The following ATXN2 variants were observed in gnomAD, a reference collection of about 807,000 sequenced individuals.
The protein encoded by ATXN2 is ataxin 2.
A neutral mutation model predicts 138.6 loss-of-function variants in ATXN2; 37 were observed. The ratio of observed to expected loss-of-function variants is 0.27; its 90% confidence interval spans 0.21 to 0.35. The LOEUF (loss-of-function observed/expected upper bound fraction) is 0.35, where lower values mean the gene tolerates loss of function less well. ATXN2 is among the 10% of genes least tolerant of loss of function. The probability of loss-of-function intolerance (pLI) is 1.00; values close to 1 mark genes in which losing one functional copy is unlikely to be tolerated. For synonymous variants in ATXN2, 549 were observed against 543.7 expected (o/e 1.01, Z -0.13); for missense variants, 1,216 against 1,480.3 (o/e 0.82, Z 2.93).
At chr12:111,593,026 G>A (rs1363560773) in intron 1 of ATXN2, among the ~76,000 whole-genome samples, 1 of 151,944 alleles carries the variant, frequency 6.6e-6, no homozygotes, top group East Asian at 1.9e-4. Flanking sequence ...TTGCTAAGGT[G>A]ACAGTTCTAA....
intron 5 of ATXN2, among the ~76,000 whole-genome samples, chr12:111,551,887 C>CA (rs1555239905): frequency 4.8e-5 from 7 of 147,038 alleles, no homozygotes; most frequent in Non-Finnish European, 6.0e-5. Context: ...TTTTTTCTTT[C>CA]TTTTTTTTTT....
chr12:111,514,192 T>C (rs1052947513), intron 10 of ATXN2, among the ~76,000 whole-genome samples: 3 of 152,176 alleles, frequency 2.0e-5, no homozygotes, highest in Admixed American at 1.3e-4. Context: ...GAGCTGAAAA[T>C]TCTATTAAAG....
At chr12:111,512,419 T>C (rs1051829989) in intron 11 of ATXN2, 2 of 152,600 alleles carry the variant, frequency 1.3e-5, no homozygotes, top group African/African-American at 4.8e-5. Context: ...GTCAGCCTTA[T>C]TGTAAAATCA....
chr12:111,535,916 C>T (rs1467203966), intron 5 of ATXN2, among the ~76,000 whole-genome samples: 9 of 147,948 alleles, frequency 6.1e-5, no homozygotes, highest in African/African-American at 1.8e-4. Flanking sequence ...AGGAGAATGG[C>T]GTGAACCCAG....
chr12:111,551,432 A>G (rs638791), intron 5 of ATXN2, among the ~76,000 whole-genome samples: 31,317 of 152,208 alleles, frequency 0.21, 3,343 homozygotes, highest in East Asian at 0.33. Flanking sequence ...TGGACACTTA[A>G]AAAGAGACTA....
At chr12:111,471,567 A>G (rs1429812556) in intron 18 of ATXN2, 2 of 152,250 alleles carry the variant, frequency 1.3e-5, no homozygotes, top group Non-Finnish European at 2.9e-5. Flanking sequence ...GGCACAAAGA[A>G]TATAGAACTT....
chr12:111,567,284 G>A (rs748125790), intron 1 of ATXN2, among the ~76,000 whole-genome samples: 11 of 150,768 alleles, frequency 7.3e-5, no homozygotes, highest in Non-Finnish European at 1.0e-4. Context: ...GGCAGATCAC[G>A]AAGCCAGGAG....
rs373436951 is a variant in ATXN2 at position 111,576,085 on chromosome 12, A to AATAACATAACATAACATAAC, written c.252-20186_252-20167dup. Among the ~76,000 whole-genome samples the AATAACATAACATAACATAAC allele has an allele frequency of 4.3e-3, 534 of 123,450 alleles. 11 individuals carry two copies. The highest frequency in any genetic ancestry group is 0.042 in the East Asian group (170 of 4,006). 81.0% of individuals were successfully genotyped at this position (123,450 alleles called of 152,430 possible). A position where few individuals can be genotyped will look rare whatever the true frequency, so the allele number is the denominator to read the frequency against. On this transcript the variant is annotated intron_variant, in intron 1 of 24. Transcript: ENST00000673436. ...CGACAAGAGACAAACTCTGTCTTAA[A>AATAACATAACATAACATAAC]ATAACATAACATAACATAACATAAC...
At chr12:111,475,367 C>A in intron 18 of ATXN2, among the ~76,000 whole-genome samples, 2 of 142,394 alleles carry the variant, frequency 1.4e-5, no homozygotes, top group Non-Finnish European at 1.5e-5. Flanking sequence ...AAAAAGTTAC[C>A]ACAATATGAA....
intron 21 of ATXN2, among the ~76,000 whole-genome samples, chr12:111,461,748 T>A (rs765042931): frequency 2.6e-5 from 4 of 151,572 alleles, no homozygotes; most frequent in Non-Finnish European, 5.9e-5. Flanking sequence ...GGTGAAACCC[T>A]GTCTCTACTA....
rs1455292109 is a variant in ATXN2, at chr12:111,453,412, G to A, written c.3439+265C>T. 8.2e-7 allele frequency: 1 copy of A among 1,222,904 alleles called. No individual in the cohort carries two copies. The highest frequency in any genetic ancestry group is 1.6e-5 in the African/African-American group (1 of 63,834). 75.8% of individuals were successfully genotyped at this position (1,222,904 alleles called of 1,614,324 possible). A position where few individuals can be genotyped will look rare whatever the true frequency, so the allele number is the denominator to read the frequency against. ...ACAAGGAAGGCCAACTGAGTCCTAG[G>A]CATGCATCAGGCTGCTGTTGCTGCT... is the stretch of plus-strand genomic sequence containing the variant. On this transcript the variant is annotated intron_variant, in intron 24 of 24. Transcript: ENST00000673436. This position sits in a 1 kb window ranked among gnomAD's most constrained non-coding sequence, Gnocchi z 5.4.
chr12:111,493,874 CA>C lies in ATXN2; in HGVS notation c.1936-5095del, dbSNP rs1878220623. On this transcript the variant is annotated intron_variant, in intron 14 of 24. Transcript: ENST00000673436. ...GAACTCCTAACCTTGTGATTCGCCC[CA>C]CCTTTGCCTTCCAAAGTGCTGGGAT... is the stretch of plus-strand genomic sequence containing the variant. 2.0e-5 allele frequency among the ~76,000 whole-genome samples: 3 copies of C among 152,236 alleles called. No homozygotes were observed. The South Asian group carries it at 6.2e-4, about 32-fold the overall frequency.
chr12:111,579,542 G>A (rs1189537235), intron 1 of ATXN2, among the ~76,000 whole-genome samples: 2 of 152,104 alleles, frequency 1.3e-5, no homozygotes, highest in Admixed American at 6.5e-5. Context: ...GATTACAGGC[G>A]TGAGACATCG....
chr12:111,487,434 T>A (rs543667490), intron 15 of ATXN2, among the ~76,000 whole-genome samples: 1 of 151,742 alleles, frequency 6.6e-6, no homozygotes, highest in South Asian at 2.1e-4. Flanking sequence ...TAAAAGCAAT[T>A]CTTAACATAA....
chr12:111,576,185 T>C (rs1186197900), intron 1 of ATXN2, among the ~76,000 whole-genome samples: 4 of 151,840 alleles, frequency 2.6e-5, no homozygotes, highest in Non-Finnish European at 5.9e-5. Context: ...GGCTCACACC[T>C]ATAATTCCGC....
intron 18 of ATXN2, among the ~76,000 whole-genome samples, chr12:111,476,872 G>A (rs1188481764): frequency 1.3e-5 from 2 of 152,120 alleles, no homozygotes; most frequent in Non-Finnish European, 2.9e-5. Flanking sequence ...CAAATTCAAA[G>A]AACGCAGAAT....
intron 18 of ATXN2, among the ~76,000 whole-genome samples, chr12:111,473,776 A>C (rs1437528826): frequency 6.7e-6 from 1 of 149,486 alleles, no homozygotes; most frequent in African/African-American, 2.6e-5. Flanking sequence ...AAAAAAAAAA[A>C]AACCCAATCT....
At chr12:111,499,599 G>A (rs1178149761) in intron 14 of ATXN2, among the ~76,000 whole-genome samples, 12 of 152,046 alleles carry the variant, frequency 7.9e-5, no homozygotes, top group African/African-American at 2.7e-4. Context: ...GCTTGAATCC[G>A]GGAGGTGTAG....
chr12:111,475,292 T>C (rs1207562187), intron 18 of ATXN2, among the ~76,000 whole-genome samples: 1 of 139,740 alleles, frequency 7.2e-6, no homozygotes, highest in African/African-American at 2.8e-5. Flanking sequence ...TGCAGTGAGT[T>C]GAGATTGTGC....
Sources: allele counts gnomAD v4.1 joint callset (sites outside exome capture counted in the v4.1 genomes callset), GRCh38; gene constraint gnomAD v4.1.1; non-coding constraint Gnocchi (gnomAD v3.1); transcripts MANE v1.5; gene names NCBI Gene and HGNC (gene_info 2026-07-23, HGNC 2026-07-21).